The following CACNA2D3 variants were observed in gnomAD, a reference collection of about 807,000 sequenced individuals.
CACNA2D3 encodes calcium voltage-gated channel auxiliary subunit alpha2delta 3.
Under a neutral mutation model 160.6 loss-of-function variants are expected in CACNA2D3, and 60 were observed. That is an observed-to-expected ratio of 0.37 (90% CI 0.30 to 0.46). The LOEUF (loss-of-function observed/expected upper bound fraction) is 0.46. CACNA2D3 is among the 20% of genes least tolerant of loss of function. The probability of loss-of-function intolerance (pLI) is 1.00; values close to 1 mark genes in which losing one functional copy is unlikely to be tolerated. For synonymous variants in CACNA2D3, 558 were observed against 492.9 expected, an observed-to-expected ratio of 1.13 and a Z score of -1.75; for missense variants, 1,205 against 1,365.0, an observed-to-expected ratio of 0.88 and a Z score of 1.85.
intron 2 of CACNA2D3, among the ~76,000 whole-genome samples, chr3:54,227,619 A>C (rs752288063): frequency 2.6e-5 from 4 of 151,860 alleles, no homozygotes; most frequent in Admixed American, 6.6e-5. Context: ...CAGTGGTATG[A>C]TCTTGGCTCA....
chr3:54,918,240 A>T, intron 27 of CACNA2D3: 1 of 520,792 alleles, frequency 1.9e-6, no homozygotes. Flanking sequence ...CCCAGAGCAC[A>T]AGTATCATCT....
At chr3:54,559,729 C>T (rs1266352774) in intron 5 of CACNA2D3, among the ~76,000 whole-genome samples, 1 of 152,178 alleles carries the variant, frequency 6.6e-6, no homozygotes, top group East Asian at 1.9e-4. Flanking sequence ...TTTTCCTAAT[C>T]CCCTCCGTCC....
intron 2 of CACNA2D3, among the ~76,000 whole-genome samples, chr3:54,171,843 TC>T (rs1700578392): frequency 6.6e-6 from 1 of 152,228 alleles, no homozygotes; most frequent in Non-Finnish European, 1.5e-5. Context: ...GTCTGCCTGC[TC>T]CTGCTGACCA....
At chr3:54,301,975 A>G (rs992798381) in intron 2 of CACNA2D3, among the ~76,000 whole-genome samples, 2 of 152,250 alleles carry the variant, frequency 1.3e-5, no homozygotes, top group Admixed American at 1.3e-4. Context: ...CTTCTCTGAA[A>G]TTGAACTACA....
intron 2 of CACNA2D3, among the ~76,000 whole-genome samples, chr3:54,132,547 AG>A (rs566387932): frequency 1.3e-5 from 2 of 152,342 alleles, no homozygotes; most frequent in East Asian, 3.9e-4. Flanking sequence ...AAAAGTCAAC[AG>A]TATACATTTC....
At chr3:54,429,316 G>T (rs1346820948) in intron 4 of CACNA2D3, among the ~76,000 whole-genome samples, 1 of 152,102 alleles carries the variant, frequency 6.6e-6, no homozygotes, top group Non-Finnish European at 1.5e-5. Context: ...TGAGACCCAT[G>T]GAAAGTTCTC....
chr3:54,708,487 G>A (rs929109736), intron 11 of CACNA2D3, among the ~76,000 whole-genome samples: 2 of 152,130 alleles, frequency 1.3e-5, no homozygotes, highest in African/African-American at 4.8e-5. Context: ...GATCCTTTTG[G>A]TTGGAGACCT....
chr3:54,613,386 C>CTTATTTCA (rs1342111487), intron 9 of CACNA2D3, among the ~76,000 whole-genome samples: 4 of 152,198 alleles, frequency 2.6e-5, no homozygotes, highest in Non-Finnish European at 5.9e-5. Flanking sequence ...AATGGGAGCA[C>CTTATTTCA]TTATTTCATG....
At chr3:54,560,662 C>T (rs1482567103) in intron 5 of CACNA2D3, among the ~76,000 whole-genome samples, 1 of 152,120 alleles carries the variant, frequency 6.6e-6, no homozygotes, top group Non-Finnish European at 1.5e-5. Flanking sequence ...TGCCTGTGTC[C>T]TGAATGGTAT....
intron 27 of CACNA2D3, among the ~76,000 whole-genome samples, chr3:54,940,204 A>G (rs1283340873): frequency 1.3e-5 from 2 of 152,200 alleles, no homozygotes; most frequent in East Asian, 3.9e-4. Context: ...CTTTTGAGAC[A>G]TGTGCACAGT....
At chr3:54,829,347 G>A (rs1298680686) in intron 14 of CACNA2D3, among the ~76,000 whole-genome samples, 1 of 152,190 alleles carries the variant, frequency 6.6e-6, no homozygotes, top group Non-Finnish European at 1.5e-5. Context: ...TTGAGGATAA[G>A]AGATGTTGTG....
intron 2 of CACNA2D3, among the ~76,000 whole-genome samples, chr3:54,199,618 A>G (rs575536262): frequency 5.8e-4 from 74 of 128,472 alleles, no homozygotes; most frequent in African/African-American, 3.0e-3. Flanking sequence ...TCTTTTTTAG[A>G]TGAGAGAATC....
At chr3:54,806,720 A>C (rs1052889700) in intron 13 of CACNA2D3, among the ~76,000 whole-genome samples, 69 of 152,206 alleles carry the variant, frequency 4.5e-4, no homozygotes, top group Non-Finnish European at 8.2e-4. Flanking sequence ...GTTCATATGG[A>C]ACCAAAAAAG....
At chr3:54,201,528 A>G (rs1258791353) in intron 2 of CACNA2D3, among the ~76,000 whole-genome samples, 1 of 152,236 alleles carries the variant, frequency 6.6e-6, no homozygotes, top group African/African-American at 2.4e-5. Flanking sequence ...GGTGTCCTCA[A>G]ATCACTTATA....
rs182506817 is a variant in CACNA2D3, at chr3:54,167,890, C to T, written c.204+44296C>T. Among the ~76,000 whole-genome samples the T allele has an allele frequency of 1.8e-4, 28 of 152,306 alleles. No individual in the cohort carries two copies. The East Asian group carries it at 5.2e-3, about 28-fold the overall frequency. On this transcript the variant is annotated intron_variant, in intron 2 of 37. Coordinates refer to ENST00000474759, the MANE Select transcript of CACNA2D3 (RefSeq NM_018398.3). ...CTGTAGATTCTTATCTTGTCTAATT[C>T]AAGGGTGAGCGCAGTATTTACAGAT...
At chr3:55,009,961 T>C (rs1025851989) in intron 34 of CACNA2D3, among the ~76,000 whole-genome samples, 1 of 152,144 alleles carries the variant, frequency 6.6e-6, no homozygotes, top group Non-Finnish European at 1.5e-5. Context: ...AGCTTAGAGG[T>C]TGGCCTTGGG....
chr3:54,739,960 T>C (rs1040018398), intron 11 of CACNA2D3, among the ~76,000 whole-genome samples: 23 of 152,264 alleles, frequency 1.5e-4, no homozygotes, highest in African/African-American at 4.8e-4. Flanking sequence ...ATATGGATTT[T>C]TTCCTCCCCA....
chr3:54,305,126 G>A (rs933217543), intron 2 of CACNA2D3, among the ~76,000 whole-genome samples: 3 of 152,150 alleles, frequency 2.0e-5, no homozygotes, highest in African/African-American at 4.8e-5. Context: ...GAACATAAAC[G>A]TGAGTCAGTT....
intron 5 of CACNA2D3, among the ~76,000 whole-genome samples, chr3:54,537,157 C>T (rs1488601546): frequency 2.0e-5 from 3 of 152,142 alleles, no homozygotes; most frequent in African/African-American, 7.2e-5. Context: ...CACAGAGACA[C>T]ACAGAGCAGA....
Sources: allele counts gnomAD v4.1 joint callset (sites outside exome capture counted in the v4.1 genomes callset), GRCh38; gene constraint gnomAD v4.1.1; transcripts MANE v1.5; gene names NCBI Gene and HGNC (gene_info 2026-07-23, HGNC 2026-07-21).